Variants in ECE1 observed in about 807,000 individuals in gnomAD.
ECE1 encodes endothelin converting enzyme 1.
In ECE1, 35 loss-of-function variants were observed where a neutral mutation model predicts 98.6. That is an observed-to-expected ratio of 0.35 (90% CI 0.27 to 0.47). The LOEUF (loss-of-function observed/expected upper bound fraction) is 0.47, where lower values mean the gene tolerates loss of function less well. ECE1 is among the 20% of genes least tolerant of loss of function. The pLI, the probability that ECE1 is intolerant of heterozygous loss-of-function variation, is 1.00. For synonymous variants in ECE1, 394 were observed against 407.1 expected (o/e 0.97, Z 0.39); for missense variants, 814 against 1,025.3 (o/e 0.79, Z 2.81).
chr1:21,268,451 T>C (rs1288351925), intron 4 of ECE1, among the ~76,000 whole-genome samples: 2 of 152,234 alleles, frequency 1.3e-5, no homozygotes, highest in African/African-American at 4.8e-5. Flanking sequence ...CATGCCACAG[T>C]GGCACCTGGC....
chr1:21,275,252 T>C (rs970826647), intron 3 of ECE1, among the ~76,000 whole-genome samples: 7 of 152,068 alleles, frequency 4.6e-5, no homozygotes, highest in Non-Finnish European at 1.0e-4. Context: ...TTTGCTGTTA[T>C]CACACAGGGA....
chr1:21,316,889 T>C (rs1638842408), intron 1 of ECE1, among the ~76,000 whole-genome samples: 1 of 152,068 alleles, frequency 6.6e-6, no homozygotes, highest in Non-Finnish European at 1.5e-5. Flanking sequence ...CTATGTATCA[T>C]TTAGGGAGGC....
intron 3 of ECE1, among the ~76,000 whole-genome samples, chr1:21,276,933 T>A (rs1204102481): frequency 1.3e-5 from 2 of 152,134 alleles, no homozygotes; most frequent in African/African-American, 4.8e-5. Context: ...GTCAGGCTGG[T>A]CTCGAACATC....
chr1:21,259,381 C>T (rs886243717), intron 5 of ECE1, among the ~76,000 whole-genome samples: 2 of 152,126 alleles, frequency 1.3e-5, no homozygotes, highest in Admixed American at 6.6e-5. Flanking sequence ...GATTGTCTCA[C>T]CTCATCCTCC....
At chr1:21,259,691 G>A (rs1309696896) in intron 5 of ECE1, among the ~76,000 whole-genome samples, 1 of 152,234 alleles carries the variant, frequency 6.6e-6, no homozygotes, top group East Asian at 1.9e-4. Context: ...CAGGGAACAC[G>A]AGGCAGGCAG....
At chr1:21,344,767 A>G (rs921781313) in intron 1 of ECE1, among the ~76,000 whole-genome samples, 1 of 152,176 alleles carries the variant, frequency 6.6e-6, no homozygotes, top group Non-Finnish European at 1.5e-5. Flanking sequence ...CGCTGGGTGC[A>G]GGGCCCCTGA....
chr1:21,309,216 C>G (rs991604953), intron 1 of ECE1, among the ~76,000 whole-genome samples: 1 of 152,190 alleles, frequency 6.6e-6, no homozygotes, highest in Admixed American at 6.5e-5. Flanking sequence ...AGAAAGAACC[C>G]TGGGCTGGAG....
chr1:21,265,152 G>C (rs2098232249), intron 4 of ECE1, among the ~76,000 whole-genome samples: 1 of 152,196 alleles, frequency 6.6e-6, no homozygotes, highest in African/African-American at 2.4e-5. Flanking sequence ...GCAATGCCTG[G>C]CACACAGAAA....
chr1:21,300,682 C>T (rs548235680), intron 1 of ECE1, among the ~76,000 whole-genome samples: 7 of 152,284 alleles, frequency 4.6e-5, no homozygotes, highest in African/African-American at 1.2e-4. Context: ...GTGATCTGCC[C>T]GCCTTGGCCT....
chr1:21,281,917 G>C (rs932933715), intron 2 of ECE1, among the ~76,000 whole-genome samples: 5 of 152,136 alleles, frequency 3.3e-5, no homozygotes, highest in Non-Finnish European at 7.4e-5. Flanking sequence ...GGCTGATCTC[G>C]AACTCCTAAC....
chr1:21,325,152 C>T (rs213026), intron 1 of ECE1, among the ~76,000 whole-genome samples: 16,969 of 152,194 alleles, frequency 0.11, 1,197 homozygotes, highest in East Asian at 0.37. Context: ...TTAGCTGACA[C>T]TAAACACAGA....
chr1:21,277,574 C>A (rs1569620710), intron 3 of ECE1, among the ~76,000 whole-genome samples: 1 of 152,280 alleles, frequency 6.6e-6, no homozygotes, highest in Non-Finnish European at 1.5e-5. Flanking sequence ...GGCACAAACA[C>A]ACACACACAC....
At chr1:21,221,014 G>A (rs1422603446) in intron 18 of ECE1, among the ~76,000 whole-genome samples, 1 of 152,172 alleles carries the variant, frequency 6.6e-6, no homozygotes, top group African/African-American at 2.4e-5. Flanking sequence ...AACTGCATTC[G>A]ATTCCATCTG....
upstream of ECE1, chr1:21,293,585 C>G (rs2103367218): frequency 6.6e-6 from 1 of 152,110 alleles, no homozygotes; most frequent in Non-Finnish European, 1.5e-5. Context: ...TCACGGAACT[C>G]CCAAGCAGAA....
At chr1:21,338,461 A>C (rs1465714468) in intron 1 of ECE1, among the ~76,000 whole-genome samples, 1 of 152,230 alleles carries the variant, frequency 6.6e-6, no homozygotes. Context: ...CAGAGGAAGA[A>C]AGTGGAGCTC....
rs1231069929 is a variant in ECE1, at chr1:21,235,017, G to A, written c.1566+833C>T. On this transcript the variant is annotated intron_variant, in intron 13 of 18. Transcript: ENST00000374893. This position sits in a 1 kb window ranked among gnomAD's most constrained non-coding sequence, Gnocchi z 4.2. ...ATATAACCATGACGAGAGGTTATTA[G>A]ATTTTTAAATGCCTGAATTCAGGCT... Among the ~76,000 whole-genome samples, 1 of 152,192 alleles carries A rather than the reference G, an allele frequency of 6.6e-6. No homozygotes were observed. Among genetic ancestry groups the A allele is most frequent in the Non-Finnish European group, 1.5e-5 (1 of 68,038 alleles).
chr1:21,300,024 G>C (rs1360062505), intron 1 of ECE1, among the ~76,000 whole-genome samples: 3 of 152,218 alleles, frequency 2.0e-5, no homozygotes, highest in Non-Finnish European at 1.5e-5. Context: ...GCTCCCTCAG[G>C]GGTTCTAAGG....
chr1:21,228,927 G>A (rs1481781435), intron 14 of ECE1, among the ~76,000 whole-genome samples: 2 of 144,810 alleles, frequency 1.4e-5, no homozygotes, highest in East Asian at 4.2e-4. Flanking sequence ...TGCAGCCTCC[G>A]CCCCCCGGGG....
At chr1:21,309,779 T>G (rs1638676178) in intron 1 of ECE1, among the ~76,000 whole-genome samples, 2 of 142,874 alleles carry the variant, frequency 1.4e-5, no homozygotes, top group Admixed American at 1.4e-4. Context: ...TTTTTTTTTC[T>G]TTCTTTTTTT....
Sources: gnomAD v4.1 joint callset for allele counts (sites outside exome capture counted in the v4.1 genomes callset) on GRCh38, gnomAD v4.1.1 for gene constraint, Gnocchi (gnomAD v3.1) non-coding constraint, MANE v1.5 for transcripts, NCBI Gene and HGNC (gene_info 2026-07-23, HGNC 2026-07-21) for gene names.